ATXN10: variants seen among roughly 807,000 people sequenced by gnomAD.
The protein encoded by ATXN10 is ataxin-10.
In ATXN10, 28 loss-of-function variants were observed where a neutral mutation model predicts 52.9. That is an observed-to-expected ratio of 0.53 (90% CI 0.39 to 0.73). ATXN10 has a LOEUF of 0.73. Ranked by LOEUF, ATXN10 falls within the 30% of genes least tolerant of loss-of-function variation. ATXN10 has a pLI of 0.00. For missense variants in ATXN10, 565 were observed against 577.0 expected, an observed-to-expected ratio of 0.98 and a Z score of 0.21; for synonymous variants, 226 against 221.5, an observed-to-expected ratio of 1.02 and a Z score of -0.18.
rs184122564 is a variant in ATXN10 at position 45,780,622 on chromosome 22, C to T, written c.1174-26337C>T. On this transcript the variant is annotated intron_variant, in intron 9 of 11. Transcript: ENST00000252934. This position sits in a 1 kb window ranked among gnomAD's most constrained non-coding sequence, Gnocchi z 4.0. ...GGATTAGGTCAGATACTACATGTAA[C>T]GTGAACAGTGCTGGCCAATGCTTAG... Among the ~76,000 whole-genome samples the T allele has an allele frequency of 5.3e-5, 8 of 152,312 alleles. No individual in the cohort carries two copies. In the East Asian group the frequency reaches 9.6e-4, roughly 18 times the overall value.
chr22:45,678,864 A>G lies in ATXN10; in HGVS notation c.116+6685A>G, dbSNP rs1374309077. 1.3e-5 allele frequency: 2 copies of G among 152,232 alleles called. No individual in the cohort carries two copies. Among genetic ancestry groups the G allele is most frequent in the Non-Finnish European group, 1.5e-5 (1 of 68,044 alleles). The allele number at this position is 152,232 out of a possible 1,614,324, so 9.4% of individuals were successfully genotyped here. The stretch of plus-strand genomic sequence containing the variant: ...AACTATGTGTAGCTTACTTTGAACT[A>G]CTGACATAGGAGTAGCTCACATGCT... On this transcript the variant is annotated intron_variant, in intron 1 of 11. Transcript: ENST00000252934. This position sits in a 1 kb window ranked among gnomAD's most constrained non-coding sequence, Gnocchi z 4.1.
intron 1 of ATXN10, among the ~76,000 whole-genome samples, chr22:45,682,915 C>T (rs1458627306): frequency 5.3e-5 from 8 of 152,166 alleles, no homozygotes; most frequent in African/African-American, 1.9e-4. Context: ...AAACAGCCCC[C>T]TAACTGGTCT....
At chr22:45,743,385 A>G (rs1925611065) in intron 9 of ATXN10, among the ~76,000 whole-genome samples, 1 of 152,216 alleles carries the variant, frequency 6.6e-6, no homozygotes, top group African/African-American at 2.4e-5. Context: ...TCTTGTAGCC[A>G]AATCCTTGTT....
chr22:45,739,813 T>G (rs1316737930), intron 8 of ATXN10, among the ~76,000 whole-genome samples: 1 of 152,218 alleles, frequency 6.6e-6, no homozygotes, highest in Non-Finnish European at 1.5e-5. Flanking sequence ...TCTGTTTTCA[T>G]TGGCTGCCTG....
chr22:45,695,105 C>T (rs989027932), intron 3 of ATXN10, among the ~76,000 whole-genome samples: 20 of 151,572 alleles, frequency 1.3e-4, no homozygotes, highest in Admixed American at 1.1e-3. Context: ...CTGAAGTGGG[C>T]GGATCACGAG....
Position 45,677,879 on chromosome 22 carries a change from C to A in ATXN10, c.116+5700C>A, listed in dbSNP as rs1037802331. ...TTGCTAGTGGACATGTAAAGTGGTG[C>A]TGCTACTATGGAAAATAATTTGGTG... On this transcript the variant is annotated intron_variant, in intron 1 of 11. Coordinates refer to ENST00000252934, the MANE Select transcript of ATXN10 (RefSeq NM_013236.4). This position sits in a 1 kb window ranked among gnomAD's most constrained non-coding sequence, Gnocchi z 4.1. The A allele has an allele frequency of 6.6e-6, 1 of 152,118 alleles. No homozygotes were observed. The highest frequency in any genetic ancestry group is 2.4e-5 in the African/African-American group (1 of 41,406). The allele number at this position is 152,118 out of a possible 1,614,324, so 9.4% of individuals were successfully genotyped here.
In ATXN10 at chr22:45,718,408, C is replaced by G; in HGVS notation, c.648-5C>G. 6.2e-7 allele frequency: 1 copy of G among 1,611,270 alleles called. No individual in the cohort carries two copies. The highest frequency in any genetic ancestry group is 8.5e-7 in the Non-Finnish European group (1 of 1,177,782). ...AACCAAACTTTCCTCCTCTTTTTTC[C>G]CTAGGTTCTTGATTATTACAGACCT... On this transcript the variant is annotated splice_polypyrimidine_tract_variant and splice_region_variant and intron_variant, in intron 5 of 11. Transcript: ENST00000252934. This position sits in a 1 kb window ranked among gnomAD's most constrained non-coding sequence, Gnocchi z 4.4.
rs146760535 is a variant in ATXN10, at chr22:45,794,405, G to A, written c.1174-12554G>A. 5.3e-4 allele frequency among the ~76,000 whole-genome samples: 79 copies of A among 147,968 alleles called. No homozygotes were observed. In the East Asian group the frequency reaches 0.011, roughly 20 times the overall value. Reference sequence around the variant, plus strand: ...TGTTCATATTTTAATATTTTATCTAGGTTGTCTAAAACCTGTTTCTCCCTT... The same window carrying A: ...TGTTCATATTTTAATATTTTATCTAAGTTGTCTAAAACCTGTTTCTCCCTT... On this transcript the variant is annotated intron_variant, in intron 9 of 11. Coordinates refer to ENST00000252934, the MANE Select transcript of ATXN10 (RefSeq NM_013236.4).
chr22:45,760,999 G>A (rs150088561), intron 9 of ATXN10, among the ~76,000 whole-genome samples: 409 of 152,260 alleles, frequency 2.7e-3, no homozygotes, highest in Non-Finnish European at 4.7e-3. Context: ...TTGATAAAGA[G>A]TAATGAAAGA....
At chr22:45,697,872 C>T (rs565370950) in intron 3 of ATXN10, among the ~76,000 whole-genome samples, 30 of 152,284 alleles carry the variant, frequency 2.0e-4, no homozygotes, top group Admixed American at 4.6e-4. Flanking sequence ...CCTTGTGATC[C>T]GCCCGCCTCG....
intron 5 of ATXN10, among the ~76,000 whole-genome samples, chr22:45,711,857 A>AT (rs1293757781): frequency 6.6e-6 from 1 of 152,194 alleles, no homozygotes; most frequent in Non-Finnish European, 1.5e-5. Context: ...GAGCCTCTTA[A>AT]TGCCACCATT....
rs1924393324 is a variant in ATXN10, at chr22:45,715,017, A to G, written c.648-3396A>G. ...TACCCTTACTGCTCCATCCATGGAC[A>G]ACTTTTTTACTTCAACTTTTGCTTC... On this transcript the variant is annotated intron_variant, in intron 5 of 11. Transcript: ENST00000252934. The surrounding 1 kb of genome is among the most constrained non-coding windows in gnomAD (Gnocchi z 4.4). Among the ~76,000 whole-genome samples the G allele has an allele frequency of 6.6e-6, 1 of 152,132 alleles. No homozygotes were observed. Among genetic ancestry groups the G allele is most frequent in the African/African-American group, 2.4e-5 (1 of 41,428 alleles).
Position 45,843,949 on chromosome 22 carries a change from A to G in ATXN10, c.*278A>G, listed in dbSNP as rs2146923386. 1.2e-5 allele frequency: 6 copies of G among 482,284 alleles called. No homozygotes were observed. Among genetic ancestry groups the G allele is most frequent in the Middle Eastern group, 5.6e-4 (1 of 1,776 alleles). The allele number at this position is 482,284 out of a possible 1,614,324, so 29.9% of individuals were successfully genotyped here. A position where few individuals can be genotyped will look rare whatever the true frequency, so the allele number is the denominator to read the frequency against. On this transcript the variant is annotated 3_prime_UTR_variant, in exon 12 of 12. Coordinates refer to ENST00000252934, the MANE Select transcript of ATXN10 (RefSeq NM_013236.4). This position sits in a 1 kb window ranked among gnomAD's most constrained non-coding sequence, Gnocchi z 4.5. ...ATTGTACTTACTGTGACAGCAGATA[A>G]TAAACCAGTCTCTTGGAGGGCACAA...
At chr22:45,807,637 C>T (rs1008866893) in intron 10 of ATXN10, among the ~76,000 whole-genome samples, 1 of 152,220 alleles carries the variant, frequency 6.6e-6, no homozygotes, top group African/African-American at 2.4e-5. Flanking sequence ...TTTTTTCCTA[C>T]CAGTTCAACT....
chr22:45,792,162 A>G (rs188923387), intron 9 of ATXN10, among the ~76,000 whole-genome samples: 50 of 152,360 alleles, frequency 3.3e-4, no homozygotes, highest in African/African-American at 9.4e-4. Flanking sequence ...ATAGAAGTCA[A>G]TTCTACCCTT....
At chr22:45,723,203 G>GAT (rs765702537) in intron 6 of ATXN10, among the ~76,000 whole-genome samples, 12 of 152,034 alleles carry the variant, frequency 7.9e-5, no homozygotes, top group African/African-American at 1.2e-4. Context: ...TTATGATAGA[G>GAT]ATATATATAG....
intron 7 of ATXN10, among the ~76,000 whole-genome samples, chr22:45,737,824 T>C (rs549294400): frequency 6.7e-6 from 1 of 149,920 alleles, no homozygotes; most frequent in East Asian, 2.0e-4. Flanking sequence ...TCAGCCTCCC[T>C]AGTAGCTGGG....
At chr22:45,830,442 A>G (rs1928951077) in intron 10 of ATXN10, among the ~76,000 whole-genome samples, 1 of 152,252 alleles carries the variant, frequency 6.6e-6, no homozygotes, top group Non-Finnish European at 1.5e-5. Context: ...ATGGGAGAAT[A>G]TATTTGCAAA....
rs1927118455 is a variant in ATXN10 at position 45,780,663 on chromosome 22, T to G, written c.1174-26296T>G. ...CAATGCTTAGTACATATTAACTGCC[T>G]TTATTTTTGTTTGCACAAATATATC... On this transcript the variant is annotated intron_variant, in intron 9 of 11. Coordinates refer to ENST00000252934, the MANE Select transcript of ATXN10 (RefSeq NM_013236.4). This position sits in a 1 kb window ranked among gnomAD's most constrained non-coding sequence, Gnocchi z 4.0. 6.6e-6 allele frequency among the ~76,000 whole-genome samples: 1 copy of G among 152,232 alleles called. No homozygotes were observed. Among genetic ancestry groups the G allele is most frequent in the South Asian group, 2.1e-4 (1 of 4,832 alleles).
Sources: gnomAD v4.1 joint callset for allele counts (sites outside exome capture counted in the v4.1 genomes callset) on GRCh38, gnomAD v4.1.1 for gene constraint, Gnocchi (gnomAD v3.1) non-coding constraint, MANE v1.5 for transcripts, NCBI Gene and HGNC (gene_info 2026-07-23, HGNC 2026-07-21) for gene names.